The following ARID1A variants were observed in gnomAD, a reference collection of about 807,000 sequenced individuals.
ARID1A encodes AT-rich interaction domain 1A, also known as AT-rich interactive domain-containing protein 1A.
In ARID1A, 20 loss-of-function variants were observed where a neutral mutation model predicts 212.6. That is an observed-to-expected ratio of 0.09 (90% CI 0.07 to 0.14). ARID1A has a LOEUF of 0.14. ARID1A is among the 10% of genes least tolerant of loss of function. The pLI is 1.00. For missense variants in ARID1A, 2,587 were observed against 3,059.0 expected (o/e 0.85, Z 3.64); for synonymous variants, 1,376 against 1,222.1 (o/e 1.13, Z -2.63).
At chr1:26,738,244 G>A (rs1174029300) in intron 4 of ARID1A, among the ~76,000 whole-genome samples, 2 of 152,006 alleles carry the variant, frequency 1.3e-5, no homozygotes, top group African/African-American at 2.4e-5. Flanking sequence ...GACTGGTCTC[G>A]AACTCCTGAC....
chr1:26,760,413 C>T (rs931947458), intron 4 of ARID1A, among the ~76,000 whole-genome samples: 3 of 152,168 alleles, frequency 2.0e-5, no homozygotes, highest in Non-Finnish European at 2.9e-5. Context: ...TAGGGCCGGG[C>T]GCGGTGGCTC....
intron 19 of ARID1A, among the ~76,000 whole-genome samples, chr1:26,776,490 G>A (rs564570429): frequency 7.9e-5 from 12 of 151,778 alleles, no homozygotes; most frequent in Admixed American, 3.3e-4. Context: ...AGCCAGGATG[G>A]TCTCGATCTC....
rs1218898890 is a variant in ARID1A at position 26,696,250 on chromosome 1, AGAGGAGC to A, written c.-150_-144del. ...AGCCTGAGCCGGCGGGGCGGGGGGG[AGAGGAGC>A]GAGCGCAGCGCAGCAGCGGAGCCCC... On this transcript the variant is annotated 5_prime_UTR_variant, in exon 1 of 20. Coordinates refer to ENST00000324856, the MANE Select transcript of ARID1A (RefSeq NM_006015.6). 51 of 711,768 alleles carry A rather than the reference AGAGGAGC, an allele frequency of 7.2e-5. No homozygotes were observed. Among genetic ancestry groups the A allele is most frequent in the Non-Finnish European group, 8.6e-5 (49 of 567,944 alleles). 44.1% of individuals were successfully genotyped at this position (711,768 alleles called of 1,614,324 possible).
At chr1:26,775,243 G>A (rs1462619447) in intron 18 of ARID1A, 23 bp downstream of exon 18, 3 of 1,551,660 alleles carry the variant, frequency 1.9e-6, no homozygotes, top group South Asian at 1.2e-5. Context: ...TCCTCATTCG[G>A]TTGCCTAATC....
At chr1:26,764,893 C>G (rs1242513437) in intron 8 of ARID1A, 1 of 152,140 alleles carries the variant, frequency 6.6e-6, no homozygotes, top group African/African-American at 2.4e-5. Context: ...AAGAATTACA[C>G]CCTTTGAAAT....
chr1:26,777,698 C>T (rs534388955), intron 19 of ARID1A, among the ~76,000 whole-genome samples: 20 of 151,872 alleles, frequency 1.3e-4, no homozygotes, highest in Non-Finnish European at 2.8e-4. Context: ...TTCAGGAGGC[C>T]GAGGCAGGAG....
intron 1 of ARID1A, among the ~76,000 whole-genome samples, chr1:26,711,484 C>T: frequency 6.6e-6 from 1 of 152,074 alleles, no homozygotes. Context: ...TAATCTAACC[C>T]TAATTACCTC....
chr1:26,774,769 G>T lies in ARID1A; in HGVS notation c.4542G>T (p.Thr1514=), dbSNP rs560211386. The change falls in exon 18 of 20, where the codon ACG becomes ACT. Residue 1514 remains threonine (T), a synonymous_variant. Transcript: ENST00000324856. This position sits in a 1 kb window ranked among gnomAD's most constrained non-coding sequence, Gnocchi z 5.6. ...ATAATTATGCCAACAGGCAGAGCAC[G>T]GGCTCTGCCCCCCAGGGCCCCGCCT... The part of the protein sequence containing the change: ...MTYNYANRQS[T]GSAPQGPAYH... 10 of 1,614,230 alleles carry T rather than the reference G, an allele frequency of 6.2e-6. No individual in the cohort carries two copies. The highest frequency in any genetic ancestry group is 7.6e-6 in the Non-Finnish European group (9 of 1,180,036).
intron 1 of ARID1A, among the ~76,000 whole-genome samples, chr1:26,709,266 C>T (rs933586020): frequency 6.6e-6 from 1 of 152,160 alleles, no homozygotes; most frequent in Non-Finnish European, 1.5e-5. Flanking sequence ...GTCAATCCCA[C>T]AACTATCTCT....
intron 1 of ARID1A, among the ~76,000 whole-genome samples, chr1:26,708,592 T>C (rs555853566): frequency 2.6e-5 from 4 of 151,754 alleles, no homozygotes; most frequent in Admixed American, 2.0e-4. Flanking sequence ...CCAGAGTCTT[T>C]CACTTTGATC....
At chr1:26,738,644 C>T (rs1052072342) in intron 4 of ARID1A, among the ~76,000 whole-genome samples, 6 of 152,036 alleles carry the variant, frequency 3.9e-5, no homozygotes, top group African/African-American at 9.7e-5. Context: ...CTGCAGCCTC[C>T]GCCTCCCGGG....
At chr1:26,714,398 TTTTGTTTG>T (rs71007887) in intron 1 of ARID1A, among the ~76,000 whole-genome samples, 1,955 of 151,854 alleles carry the variant, frequency 0.013, 39 homozygotes, top group African/African-American at 0.044. Flanking sequence ...CTATAATCTT[TTTTGTTTG>T]TTTGTTTGTT....
intron 1 of ARID1A, among the ~76,000 whole-genome samples, chr1:26,698,442 G>A (rs1187139239): frequency 1.3e-5 from 2 of 152,184 alleles, no homozygotes; most frequent in African/African-American, 2.4e-5. Context: ...AGCTGAAATT[G>A]GCTGTGACCT....
chr1:26,767,228 C>G (rs1031968284), intron 10 of ARID1A, among the ~76,000 whole-genome samples: 2 of 152,206 alleles, frequency 1.3e-5, no homozygotes, highest in Non-Finnish European at 2.9e-5. Context: ...ACGTTCCTGT[C>G]TTGTACAGGA....
intron 4 of ARID1A, among the ~76,000 whole-genome samples, chr1:26,734,938 C>T (rs1314217046): frequency 6.6e-6 from 1 of 152,168 alleles, no homozygotes; most frequent in Non-Finnish European, 1.5e-5. Context: ...ATTCACGTTA[C>T]CTTCCTGGCC....
chr1:26,762,347 A>G (rs374501660), intron 7 of ARID1A, 28 bp downstream of exon 7: 4 of 1,600,780 alleles, frequency 2.5e-6, no homozygotes, highest in Admixed American at 1.7e-5. Flanking sequence ...TTAGGAGTAG[A>G]TACGGGTGAG....
At chr1:26,720,567 C>G (rs2080553012) in intron 1 of ARID1A, among the ~76,000 whole-genome samples, 1 of 151,950 alleles carries the variant, frequency 6.6e-6, no homozygotes, top group South Asian at 2.1e-4. Context: ...GGATACGAGA[C>G]TCTCTTAAGA....
intron 11 of ARID1A, chr1:26,769,262 G>C (rs1326999560): frequency 1.3e-5 from 2 of 152,268 alleles, no homozygotes; most frequent in African/African-American, 4.8e-5. Context: ...GGTACAGAGA[G>C]AATTCTAATG....
chr1:26,763,226 C>T lies in ARID1A; in HGVS notation c.2673C>T (p.Asn891=), dbSNP rs1006995546. Residue 891 remains asparagine (N), a synonymous_variant, in exon 8 of 20, where the codon AAC becomes AAT. Coordinates refer to ENST00000324856, the MANE Select transcript of ARID1A (RefSeq NM_006015.6). ...SGMCPPPGGM[N]RKTQETAVAM... is the part of the protein sequence containing the mutation. ...TGTGTCCCCCACCAGGGGGCATGAACCGGAAAACCCAAGAAACTGCTGTCG... is the reference window on the plus strand; with the variant it reads ...TGTGTCCCCCACCAGGGGGCATGAATCGGAAAACCCAAGAAACTGCTGTCG... The T allele has an allele frequency of 3.7e-6, 6 of 1,613,538 alleles. No homozygotes were observed. The highest frequency in any genetic ancestry group is 5.1e-6 in the Non-Finnish European group (6 of 1,179,612).
Sources: gnomAD v4.1 joint callset for allele counts (sites outside exome capture counted in the v4.1 genomes callset) on GRCh38, gnomAD v4.1.1 for gene constraint, Gnocchi (gnomAD v3.1) non-coding constraint, MANE v1.5 for transcripts, NCBI Gene and HGNC (gene_info 2026-07-23, HGNC 2026-07-21) for gene names.